The following TAF3 variants were observed in gnomAD, a reference collection of about 807,000 sequenced individuals.
The protein encoded by TAF3 is TATA-box binding protein associated factor 3.
Under a neutral mutation model 80.6 loss-of-function variants are expected in TAF3, and 7 were observed. That is an observed-to-expected ratio of 0.09 (90% CI 0.05 to 0.16). The LOEUF (loss-of-function observed/expected upper bound fraction) is 0.16. TAF3 is among the 10% of genes least tolerant of loss of function. TAF3 has a pLI of 1.00. For synonymous variants in TAF3, 444 were observed against 446.1 expected (o/e 1.00, Z 0.06); for missense variants, 921 against 1,140.2 (o/e 0.81, Z 2.77).
chr10:7,878,952 T>G (rs1390611561), intron 2 of TAF3, among the ~76,000 whole-genome samples: 1 of 152,136 alleles, frequency 6.6e-6, no homozygotes, highest in African/African-American at 2.4e-5. Context: ...GGTCCGGAAC[T>G]CCTGACCTCA....
At chr10:7,896,333 A>G (rs1183694146) in intron 2 of TAF3, among the ~76,000 whole-genome samples, 2 of 152,120 alleles carry the variant, frequency 1.3e-5, no homozygotes, top group African/African-American at 4.8e-5. Context: ...CATTCTGGGG[A>G]TGGTTGTAAG....
intron 2 of TAF3, among the ~76,000 whole-genome samples, chr10:7,869,467 A>T (rs764474441): frequency 6.6e-6 from 1 of 152,172 alleles, no homozygotes; most frequent in Non-Finnish European, 1.5e-5. Flanking sequence ...ACTTATCCTC[A>T]TGGGAGCATA....
At position 7,993,873 on chromosome 10, in the gene TAF3, A is replaced by G. The variant is rs75889834; in HGVS notation, c.2316-15205A>G. ...CTCATACAGGAGAGGCAGGATAAAT[A>G]TACAATCTTTTTTTTTTTTTTTTTT... is the stretch of plus-strand genomic sequence containing the variant. On this transcript the variant is annotated intron_variant, in intron 4 of 6. Coordinates refer to ENST00000344293, the MANE Select transcript of TAF3 (RefSeq NM_031923.4). Among the ~76,000 whole-genome samples, 679 of 148,974 alleles carry G rather than the reference A, an allele frequency of 4.6e-3. 7 individuals carry two copies. Among genetic ancestry groups the G allele is most frequent in the East Asian group, 0.028 (140 of 5,086 alleles).
intron 3 of TAF3, among the ~76,000 whole-genome samples, chr10:7,976,249 CTT>C (rs1042340982): frequency 1.5e-4 from 21 of 139,710 alleles, no homozygotes; most frequent in Non-Finnish European, 1.3e-4. Context: ...TTTCTTTTTT[CTT>C]TTTTTTTTTT....
Position 7,964,239 on chromosome 10 carries a change from A to G in TAF3, c.729A>G (p.Ser243=). The G allele has an allele frequency of 6.2e-7, 1 of 1,614,100 alleles. No individual in the cohort carries two copies. The highest frequency in any genetic ancestry group is 8.5e-7 in the Non-Finnish European group (1 of 1,180,016). Reference sequence around the variant, plus strand: ...ACAGTACAGACTTGGCACCTCCCTCACCCGAGCCGCCAATGTTGGCTCCAG... The same window carrying G: ...ACAGTACAGACTTGGCACCTCCCTCGCCCGAGCCGCCAATGTTGGCTCCAG... The part of the protein sequence containing the change: ...VQDSTDLAPP[S]PEPPMLAPVA... Residue 243 remains serine (S), a synonymous_variant, in exon 3 of 7, where the codon TCA becomes TCG. Transcript: ENST00000344293. The surrounding 1 kb of genome is among the most constrained non-coding windows in gnomAD (Gnocchi z 4.1).
rs1408929516 is a variant in TAF3 at position 7,893,695 on chromosome 10, C to T, written c.409+69135C>T. On this transcript the variant is annotated intron_variant, in intron 2 of 6. Coordinates refer to ENST00000344293, the MANE Select transcript of TAF3 (RefSeq NM_031923.4). ...TCATCCCTTTGCTTCTAGCGTAGGCCTGGCCTATCTGTGTATGCTCACCAA... is the reference window on the plus strand; with the variant it reads ...TCATCCCTTTGCTTCTAGCGTAGGCTTGGCCTATCTGTGTATGCTCACCAA... Among the ~76,000 whole-genome samples, 7 of 152,280 alleles carry T rather than the reference C, an allele frequency of 4.6e-5. 1 individual carries two copies. The highest frequency in any genetic ancestry group is 1.7e-4 in the African/African-American group (7 of 41,558).
chr10:7,922,367 C>T (rs1180568442), intron 2 of TAF3, among the ~76,000 whole-genome samples: 1 of 151,964 alleles, frequency 6.6e-6, no homozygotes, highest in Admixed American at 6.6e-5. Context: ...GGGACTTTTC[C>T]ATTGTGAATG....
chr10:7,954,082 A>C (rs2131405335), intron 2 of TAF3, among the ~76,000 whole-genome samples: 1 of 132,926 alleles, frequency 7.5e-6, no homozygotes, highest in South Asian at 2.8e-4. Flanking sequence ...AGTTAACATG[A>C]GCTCTCCATA....
chr10:8,013,877 C>T, intron 6 of TAF3, 40 bp downstream of exon 6: 1 of 1,530,922 alleles, frequency 6.5e-7, no homozygotes, highest in Non-Finnish European at 9.1e-7. Context: ...ACTCATTAGG[C>T]AGCATCAGCC....
chr10:7,864,745 C>T (rs1229629883), intron 2 of TAF3, among the ~76,000 whole-genome samples: 2 of 152,032 alleles, frequency 1.3e-5, no homozygotes, highest in Admixed American at 6.6e-5. Flanking sequence ...TCCTCTCAGC[C>T]TGTGGTTTGC....
intron 4 of TAF3, among the ~76,000 whole-genome samples, chr10:7,999,019 C>G (rs1831917617): frequency 6.6e-6 from 1 of 151,858 alleles, no homozygotes; most frequent in Non-Finnish European, 1.5e-5. Flanking sequence ...TTGGGAATGA[C>G]TAGGTGGCTG....
At chr10:7,986,377 G>T (rs1010850005) in intron 4 of TAF3, among the ~76,000 whole-genome samples, 7 of 152,134 alleles carry the variant, frequency 4.6e-5, no homozygotes, top group Non-Finnish European at 1.0e-4. Flanking sequence ...ATTTCCGCCA[G>T]TGTGGTTCTT....
At chr10:7,879,157 A>G (rs1161590067) in intron 2 of TAF3, among the ~76,000 whole-genome samples, 1 of 152,164 alleles carries the variant, frequency 6.6e-6, no homozygotes, top group Middle Eastern at 3.4e-3. Context: ...GTTTTTTTGA[A>G]GTGTTATTTT....
At chr10:7,871,702 C>G (rs1837268251) in intron 2 of TAF3, among the ~76,000 whole-genome samples, 1 of 151,994 alleles carries the variant, frequency 6.6e-6, no homozygotes, top group South Asian at 2.1e-4. Context: ...CCTCAGCCTC[C>G]CAAAGTGCTG....
chr10:7,919,447 C>G (rs1837742667), intron 2 of TAF3, among the ~76,000 whole-genome samples: 1 of 152,096 alleles, frequency 6.6e-6, no homozygotes, highest in African/African-American at 2.4e-5. Flanking sequence ...GTGGTCCTCC[C>G]AAGCTTGATG....
chr10:7,847,147 C>T (rs1274761358), intron 2 of TAF3, among the ~76,000 whole-genome samples: 1 of 151,974 alleles, frequency 6.6e-6, no homozygotes, highest in Non-Finnish European at 1.5e-5. Context: ...TGGAATTGGC[C>T]ATATAAGTGA....
At chr10:8,003,993 C>T (rs116433849) in intron 4 of TAF3, among the ~76,000 whole-genome samples, 400 of 152,078 alleles carry the variant, frequency 2.6e-3, no homozygotes, top group African/African-American at 9.3e-3. Flanking sequence ...GGTTCATTGT[C>T]GTTACTTTTA....
At chr10:7,859,549 T>A (rs1389940315) in intron 2 of TAF3, among the ~76,000 whole-genome samples, 1 of 152,164 alleles carries the variant, frequency 6.6e-6, no homozygotes, top group Non-Finnish European at 1.5e-5. Context: ...GGGTTTCACC[T>A]CCTCCATTCC....
At chr10:8,004,322 A>G (rs1831972370) in intron 4 of TAF3, among the ~76,000 whole-genome samples, 2 of 152,212 alleles carry the variant, frequency 1.3e-5, no homozygotes, top group Admixed American at 6.5e-5. Context: ...TGCTGGGATT[A>G]CGGGCATGAG....
Sources: gnomAD v4.1 joint callset for allele counts (sites outside exome capture counted in the v4.1 genomes callset) on GRCh38, gnomAD v4.1.1 for gene constraint, Gnocchi (gnomAD v3.1) non-coding constraint, MANE v1.5 for transcripts, NCBI Gene and HGNC (gene_info 2026-07-23, HGNC 2026-07-21) for gene names.